Variants in DLGAP2 observed in about 807,000 individuals in gnomAD.
DLGAP2 encodes the protein disks large-associated protein 2.
DLGAP2 carries 26 observed loss-of-function variants against 100.3 expected under a neutral mutation model. That is an observed-to-expected ratio of 0.26 (90% confidence interval 0.19 to 0.36). The LOEUF is 0.36. DLGAP2 is among the 10% of genes least tolerant of loss of function. DLGAP2 has a pLI of 1.00. For missense variants in DLGAP2, 1,858 were observed against 1,453.2 expected (o/e 1.28, Z -4.53); for synonymous variants, 886 against 630.1 (o/e 1.41, Z -6.08).
In DLGAP2 at chr8:1,315,409, G is replaced by T. The variant is rs563397755; in HGVS notation, c.106+56526G>T. ...CAGTGGTCTACACTCGAGAAACTCG[G>T]CAGCTTTTAAAAATAGAGCGTGTGC... On this transcript the variant is annotated intron_variant, in intron 3 of 14. Transcript: ENST00000637795. Among the ~76,000 whole-genome samples the T allele has an allele frequency of 3.0e-3, 431 of 144,358 alleles. 5 individuals are homozygous for T. Among genetic ancestry groups the T allele is most frequent in the African/African-American group, 0.011 (402 of 37,286 alleles). The allele number at this position is 144,358 out of a possible 152,430, so 94.7% of individuals were successfully genotyped here.
chr8:1,538,475 GC>G (rs1461379558), intron 4 of DLGAP2, among the ~76,000 whole-genome samples: 1 of 152,166 alleles, frequency 6.6e-6, no homozygotes, highest in African/African-American at 2.4e-5. Flanking sequence ...AGATCCCCGG[GC>G]TGATTTCTTT....
At chr8:961,830 T>C (rs571575317) in intron 2 of DLGAP2, among the ~76,000 whole-genome samples, 4 of 152,236 alleles carry the variant, frequency 2.6e-5, no homozygotes, top group Non-Finnish European at 4.4e-5. Flanking sequence ...CAGGTTCTTA[T>C]TGAAACTGTA....
chr8:1,435,869 G>C (rs1166614548), intron 3 of DLGAP2, among the ~76,000 whole-genome samples: 1 of 151,828 alleles, frequency 6.6e-6, no homozygotes, highest in Non-Finnish European at 1.5e-5. Context: ...CTTAACAAGA[G>C]AGTTTAAAAA....
chr8:1,682,780 T>G (rs561107590), intron 12 of DLGAP2, among the ~76,000 whole-genome samples: 1 of 151,690 alleles, frequency 6.6e-6, no homozygotes, highest in Non-Finnish European at 1.5e-5. Flanking sequence ...AGCCAGGATA[T>G]CTAGTATTTC....
At chr8:1,266,757 A>T (rs993879400) in intron 3 of DLGAP2, among the ~76,000 whole-genome samples, 3 of 151,954 alleles carry the variant, frequency 2.0e-5, no homozygotes, top group African/African-American at 7.2e-5. Flanking sequence ...GTGTGTGTAT[A>T]TGTGTTTGTG....
intron 13 of DLGAP2, among the ~76,000 whole-genome samples, chr8:1,693,736 C>T (rs916095013): frequency 3.9e-5 from 6 of 152,050 alleles, no homozygotes; most frequent in Admixed American, 1.3e-4. Context: ...AAGTTCACGG[C>T]GATTTTAAAG....
intron 3 of DLGAP2, among the ~76,000 whole-genome samples, chr8:1,267,082 A>G (rs1799468021): frequency 6.6e-6 from 1 of 151,694 alleles, no homozygotes; most frequent in African/African-American, 2.4e-5. Flanking sequence ...CAAAAACAAA[A>G]TTAGCCAGGC....
chr8:1,428,777 T>G (rs6558472), intron 3 of DLGAP2, among the ~76,000 whole-genome samples: 32,283 of 152,152 alleles, frequency 0.21, 3,840 homozygotes, highest in Middle Eastern at 0.29. Context: ...GCCATGTGGC[T>G]CATATCAGTG....
intron 2 of DLGAP2, among the ~76,000 whole-genome samples, chr8:1,249,339 C>T (rs1798985960): frequency 6.6e-6 from 1 of 152,150 alleles, no homozygotes; most frequent in Admixed American, 6.5e-5. Context: ...CCCTCATTTG[C>T]CCATGAGTGG....
chr8:980,262 A>C (rs932529095), intron 2 of DLGAP2, among the ~76,000 whole-genome samples: 1 of 152,150 alleles, frequency 6.6e-6, no homozygotes, highest in Non-Finnish European at 1.5e-5. Context: ...TATCCATAGA[A>C]GGTGCAGGGC....
intron 2 of DLGAP2, among the ~76,000 whole-genome samples, chr8:1,062,336 G>C (rs914645316): frequency 8.5e-5 from 13 of 152,194 alleles, no homozygotes; most frequent in Admixed American, 6.5e-5. Context: ...GGCTGTGGCT[G>C]ACTGGAGCCT....
chr8:879,057 G>T, intron 1 of DLGAP2, among the ~76,000 whole-genome samples: 1 of 152,214 alleles, frequency 6.6e-6, no homozygotes, highest in East Asian at 1.9e-4. Flanking sequence ...CAACTAGGTT[G>T]TGTGTGAAAG....
intron 2 of DLGAP2, among the ~76,000 whole-genome samples, chr8:1,116,698 C>T (rs1205701715): frequency 6.6e-6 from 1 of 151,944 alleles, no homozygotes; most frequent in Non-Finnish European, 1.5e-5. Flanking sequence ...TCAGGAGGCT[C>T]TCAGAGGTGG....
chr8:1,076,268 G>C (rs1428793276), intron 2 of DLGAP2, among the ~76,000 whole-genome samples: 1 of 152,208 alleles, frequency 6.6e-6, no homozygotes, highest in Non-Finnish European at 1.5e-5. Context: ...CGTGCTGGTG[G>C]TTGGGAATGG....
chr8:1,538,944 G>T (rs1352100409), intron 4 of DLGAP2, among the ~76,000 whole-genome samples: 4 of 148,822 alleles, frequency 2.7e-5, no homozygotes, highest in Non-Finnish European at 5.9e-5. Context: ...GGAATGCAAT[G>T]GTGCGATCTC....
At chr8:1,319,024 G>C (rs935605913) in intron 3 of DLGAP2, among the ~76,000 whole-genome samples, 1 of 147,682 alleles carries the variant, frequency 6.8e-6, no homozygotes, top group Non-Finnish European at 1.5e-5. Context: ...GTATCAGTGC[G>C]AGCTCGGTGG....
chr8:1,129,412 A>G (rs1178162146), intron 2 of DLGAP2, among the ~76,000 whole-genome samples: 6 of 152,102 alleles, frequency 3.9e-5, no homozygotes, highest in Admixed American at 2.0e-4. Flanking sequence ...AAAAAAAAAA[A>G]AAAAAATTTA....
chr8:774,001 C>T (rs2132612653), intron 1 of DLGAP2, among the ~76,000 whole-genome samples: 2 of 152,342 alleles, frequency 1.3e-5, no homozygotes, highest in East Asian at 3.9e-4. Flanking sequence ...ACATCCTCTC[C>T]AGCACCTGTT....
At chr8:1,130,345 A>G (rs921917496) in intron 2 of DLGAP2, among the ~76,000 whole-genome samples, 1 of 152,140 alleles carries the variant, frequency 6.6e-6, no homozygotes, top group Non-Finnish European at 1.5e-5. Flanking sequence ...ATTTTTTCTC[A>G]TTTATTATTC....
Sources: gnomAD v4.1 joint callset for allele counts (sites outside exome capture counted in the v4.1 genomes callset) on GRCh38, gnomAD v4.1.1 for gene constraint, MANE v1.5 for transcripts, NCBI Gene and HGNC (gene_info 2026-07-23, HGNC 2026-07-21) for gene names.